The following EML5 variants were observed in gnomAD, a reference collection of about 807,000 sequenced individuals.
The protein encoded by EML5 is EMAP like 5.
Under a neutral mutation model 250.0 loss-of-function variants are expected in EML5, and 120 were observed. The observed-to-expected ratio is 0.48, with a 90% CI of 0.41 to 0.56. EML5 has a LOEUF of 0.56. EML5 is among the 20% of genes least tolerant of loss of function. The probability of loss-of-function intolerance (pLI) is 0.00; values close to 1 mark genes in which losing one functional copy is unlikely to be tolerated. For synonymous variants in EML5, 771 were observed against 806.5 expected, an observed-to-expected ratio of 0.96 and a Z score of 0.75; for missense variants, 2,006 against 2,437.6, an observed-to-expected ratio of 0.82 and a Z score of 3.73.
In EML5 at chr14:88,706,377, G is replaced by A; in HGVS notation, c.1707C>T (p.Val569=). 8.1e-6 allele frequency: 13 copies of A among 1,608,472 alleles called. No homozygotes were observed. Among genetic ancestry groups the A allele is most frequent in the Non-Finnish European group, 1.1e-5 (13 of 1,177,548 alleles). The change falls in exon 11 of 44, where the codon GTC becomes GTT. Residue 569 remains valine (V), a synonymous_variant. Transcript: ENST00000554922. ...CCCACTGATAATCATGTGACCATCT[G>A]ACATTAGTTACGTGAGCTGAATGGC... ...YIGHSAHVTN[V]RWSHDYQWVI...
At chr14:88,692,839 T>A (rs1026174330) in intron 17 of EML5, among the ~76,000 whole-genome samples, 1 of 152,250 alleles carries the variant, frequency 6.6e-6, no homozygotes. Flanking sequence ...AATTAATTCA[T>A]GTCCCATGTA....
chr14:88,780,820 G>T (rs2094491069), intron 1 of EML5, among the ~76,000 whole-genome samples: 1 of 152,152 alleles, frequency 6.6e-6, no homozygotes, highest in Non-Finnish European at 1.5e-5. Flanking sequence ...TGATCCATCT[G>T]CCTTGTCCTC....
At position 88,658,723 on chromosome 14, in the gene EML5, T is replaced by C. The variant is rs1294884245; in HGVS notation, c.3676-335A>G. On this transcript the variant is annotated intron_variant, in intron 25 of 43. Coordinates refer to ENST00000554922, the MANE Select transcript of EML5 (RefSeq NM_183387.3). ...TAGGGATCTATGCTAAGAAATGCTA[T>C]CTGTGTAAAAAAATACTTACCATGG... Among the ~76,000 whole-genome samples the C allele has an allele frequency of 2.0e-5, 3 of 152,172 alleles. No individual in the cohort carries two copies. The South Asian group carries it at 6.2e-4, about 31-fold the overall frequency.
At chr14:88,734,422 GT>G (rs974443315) in intron 7 of EML5, among the ~76,000 whole-genome samples, 6 of 151,880 alleles carry the variant, frequency 4.0e-5, no homozygotes, top group African/African-American at 1.5e-4. Context: ...CTTGAAAGGG[GT>G]TAAAAATGAA....
Position 88,616,813 on chromosome 14 carries a change from G to A in EML5, c.5709C>T (p.Ala1903=), listed in dbSNP as rs377183047. ...GACTGATTCCTGAATGAGATACACA[G>A]GCACAGTTGACATCAGCTTTCTCAG... ...RHAEKADVNC[A]CVSHSGISLV... is the part of the protein sequence containing the mutation. Residue 1903 remains alanine, a synonymous_variant, in exon 42 of 44, where the codon GCC becomes GCT. Coordinates refer to ENST00000554922, the MANE Select transcript of EML5 (RefSeq NM_183387.3). 17 of 1,613,848 alleles carry A rather than the reference G, an allele frequency of 1.1e-5. 1 individual carries two copies. Among genetic ancestry groups the A allele is most frequent in the Admixed American group, 3.3e-5 (2 of 60,012 alleles).
chr14:88,668,938 G>A (rs561631936), intron 21 of EML5, among the ~76,000 whole-genome samples: 64 of 151,994 alleles, frequency 4.2e-4, no homozygotes, highest in African/African-American at 1.1e-3. Context: ...CAAGAAGACC[G>A]AAAACGGCAA....
chr14:88,639,172 A>G (rs968313338), intron 31 of EML5, among the ~76,000 whole-genome samples: 3 of 152,230 alleles, frequency 2.0e-5, no homozygotes, highest in Admixed American at 6.5e-5. Context: ...TGCTATGGGA[A>G]TTCAGAGCAG....
rs761143691 is a variant in EML5, at chr14:88,625,044, A to T, written c.4824T>A (p.Ala1608=). The T allele has an allele frequency of 6.2e-7, 1 of 1,613,276 alleles. No individual in the cohort carries two copies. Among genetic ancestry groups the T allele is most frequent in the East Asian group, 2.2e-5 (1 of 44,824 alleles). ...DHILCRIVAR[A]HNGPVFAMYT... ...ACATGGCAAACACAGGCCCGTTGTG[A>T]GCTCTCGCCACGATTCTACACAATA... is the stretch of plus-strand genomic sequence containing the variant. The change falls in exon 36 of 44, where the codon GCT becomes GCA. Residue 1608 remains alanine (A), a synonymous_variant. Coordinates refer to ENST00000554922, the MANE Select transcript of EML5 (RefSeq NM_183387.3).
intron 21 of EML5, among the ~76,000 whole-genome samples, chr14:88,675,559 A>G (rs1484072593): frequency 6.6e-6 from 1 of 152,182 alleles, no homozygotes; most frequent in Non-Finnish European, 1.5e-5. Flanking sequence ...CTAGGCCTCC[A>G]GGCCTGTGAT....
In EML5 at chr14:88,657,447, TA is replaced by T; in HGVS notation, c.3932del (p.Leu1311TyrfsTer9). 6.2e-7 allele frequency: 1 copy of T among 1,605,526 alleles called. No homozygotes were observed. Among genetic ancestry groups the T allele is most frequent in the Non-Finnish European group, 8.5e-7 (1 of 1,175,614 alleles). On this transcript the variant is annotated frameshift_variant, in exon 27 of 44. Transcript: ENST00000554922. LOFTEE classifies it high-confidence loss of function. Reference sequence around the variant, plus strand: ...CTAACATTGGGCGAATATTTGTTGATAAGGCTCTGATGGTGTAACTGATTTC... The same window carrying T: ...CTAACATTGGGCGAATATTTGTTGATAGGCTCTGATGGTGTAACTGATTTC... ...ENEISYTIRA[L>X]STNIRPMLGI...
At chr14:88,705,246 T>C (rs1295118158) in intron 12 of EML5, among the ~76,000 whole-genome samples, 2 of 152,108 alleles carry the variant, frequency 1.3e-5, no homozygotes, top group African/African-American at 2.4e-5. Context: ...AATGTGAGTA[T>C]ACTATGACAA....
At chr14:88,736,190 G>A (rs533561876) in intron 7 of EML5, among the ~76,000 whole-genome samples, 174 bp downstream of exon 7, 39 of 152,058 alleles carry the variant, frequency 2.6e-4, no homozygotes, top group African/African-American at 8.9e-4. Flanking sequence ...TAGTAGAGAC[G>A]GGGTTTCACT....
intron 1 of EML5, among the ~76,000 whole-genome samples, chr14:88,757,212 A>G (rs757258580): frequency 3.3e-5 from 5 of 152,282 alleles, no homozygotes; most frequent in Non-Finnish European, 4.4e-5. Context: ...TGCCAAGACA[A>G]TTCAATGGGG....
chr14:88,738,896 G>C lies in EML5; in HGVS notation c.830C>G (p.Thr277Arg). 1 of 1,574,754 alleles carries C rather than the reference G, an allele frequency of 6.4e-7. No homozygotes were observed. Among genetic ancestry groups the C allele is most frequent in the Non-Finnish European group, 8.6e-7 (1 of 1,159,052 alleles). ...GTTATTACCTTTGTATCCCTGGTCT[G>C]TTTCCCTGAGATCAATCACAGTAAT... ...KPITVIDLRE[T>R]DQGYKGLSVR... The change falls in exon 6 of 44, where the codon ACA becomes AGA. Residue 277 changes from threonine to arginine, a missense_variant. Physicochemically the swap from Thr to Arg is moderately conservative, Grantham distance 71 (BLOSUM62 -1). Coordinates refer to ENST00000554922, the MANE Select transcript of EML5 (RefSeq NM_183387.3).
At chr14:88,634,601 C>G (rs143606729) in intron 32 of EML5, 112 bp from the exon 33 acceptor site, 3 of 519,952 alleles carry the variant, frequency 5.8e-6, no homozygotes, top group Non-Finnish European at 9.5e-6. Context: ...GGTTTTATTA[C>G]ATTTGATTGA....
At chr14:88,645,519 C>T (rs1195283001) in intron 29 of EML5, among the ~76,000 whole-genome samples, 1 of 152,160 alleles carries the variant, frequency 6.6e-6, no homozygotes, top group Non-Finnish European at 1.5e-5. Flanking sequence ...TGAATACATC[C>T]TTCTTGAAAG....
chr14:88,662,345 T>TTG (rs1293903204), intron 24 of EML5, among the ~76,000 whole-genome samples: 1 of 137,514 alleles, frequency 7.3e-6, no homozygotes, highest in Non-Finnish European at 1.5e-5. Context: ...TCTTGTTTTT[T>TTG]TTTTTTTTTT....
At chr14:88,740,638 A>G (rs2093911159) in intron 4 of EML5, 66 bp from the exon 5 acceptor site, 1 of 1,372,226 alleles carries the variant, frequency 7.3e-7, no homozygotes, top group African/African-American at 1.5e-5. Flanking sequence ...AACATTCCCA[A>G]TACTTTGATG....
chr14:88,672,266 C>T (rs747544811), intron 21 of EML5, among the ~76,000 whole-genome samples: 2 of 152,038 alleles, frequency 1.3e-5, no homozygotes, highest in Non-Finnish European at 2.9e-5. Context: ...CATAACTACA[C>T]AGAAATTGAA....
Sources: allele counts gnomAD v4.1 joint callset (sites outside exome capture counted in the v4.1 genomes callset), GRCh38; gene constraint gnomAD v4.1.1; transcripts MANE v1.5; gene names NCBI Gene and HGNC (gene_info 2026-07-23, HGNC 2026-07-21).